ZNF823: variants seen among roughly 807,000 people sequenced by gnomAD.
The protein encoded by ZNF823 is zinc finger protein 823.
ZNF823 carries 5 observed loss-of-function variants against 11.4 expected under a neutral mutation model. The observed-to-expected ratio is 0.44, with a 90% CI of 0.23 to 0.92. The LOEUF is 0.92. Ranked by LOEUF, ZNF823 falls within the 40% of genes least tolerant of loss-of-function variation. The probability of loss-of-function intolerance (pLI) is 0.24; values close to 1 mark genes in which losing one functional copy is unlikely to be tolerated. For missense variants in ZNF823, 582 were observed against 738.5 expected (o/e 0.79, Z 2.46); for synonymous variants, 234 against 250.5 (o/e 0.93, Z 0.62).
rs286280 is a variant in ZNF823 at position 11,722,799 on chromosome 19, C to G, written c.735G>C (p.Glu245Asp). The G allele has an allele frequency of 4.3e-6, 7 of 1,613,924 alleles. No individual in the cohort carries two copies. Among genetic ancestry groups the G allele is most frequent in the Non-Finnish European group, 5.9e-6 (7 of 1,180,008 alleles). ...AACACTGCTTACATTCATACGCTTT[C>G]TCTCCCGTGTGGATTCTTTCATGTC... The part of the protein sequence containing the change: ...YLRHERIHTG[E>D]KAYECKQCSK... The change falls in exon 4 of 4, where the codon GAG becomes GAC. Residue 245 changes from glutamate (E) to aspartate (D), a missense_variant. This residue lies in a region of ZNF823 where 429 missense variants were observed against 553.7 expected (regional missense o/e 0.77). Transcript: ENST00000341191. This position sits in a 1 kb window ranked among gnomAD's most constrained non-coding sequence, Gnocchi z 5.2.
In ZNF823 at chr19:11,738,846, C is replaced by G. The variant is rs1440348668; in HGVS notation, c.-27G>C. 1 of 1,607,318 alleles carries G rather than the reference C, an allele frequency of 6.2e-7. No homozygotes were observed. The highest frequency in any genetic ancestry group is 1.7e-5 in the Admixed American group (1 of 59,066). On this transcript the variant is annotated 5_prime_UTR_variant, in exon 1 of 4. Coordinates refer to ENST00000341191, the MANE Select transcript of ZNF823 (RefSeq NM_001080493.4). ...TCCCAGCTTCCAGGTGTCCGGGTGT[C>G]CTCCTTAAAAGCCAGTGTGGGTCCC...
At chr19:11,726,311 T>A (rs980914784) in intron 1 of ZNF823, among the ~76,000 whole-genome samples, 3 of 142,720 alleles carry the variant, frequency 2.1e-5, no homozygotes, top group Admixed American at 7.1e-5. Context: ...TATATATAAA[T>A]TTTTTTTTAA....
Position 11,722,187 on chromosome 19 carries a change from C to A in ZNF823, c.1347G>T (p.Gly449=). The A allele has an allele frequency of 6.2e-7, 1 of 1,613,962 alleles. No homozygotes were observed. Among genetic ancestry groups the A allele is most frequent in the Non-Finnish European group, 8.5e-7 (1 of 1,179,982 alleles). Residue 449 remains glycine, a synonymous_variant, in exon 4 of 4, where the codon GGG becomes GGT. Transcript: ENST00000341191. This position sits in a 1 kb window ranked among gnomAD's most constrained non-coding sequence, Gnocchi z 5.2. ...TGVKPYKCQC[G]KAFSDLSSFQ... Reference sequence around the variant, plus strand: ...AGGAAGAGAGATCACTAAAGGCTTTCCCACACTGACATTTATAGGGTTTCA... The same window carrying A: ...AGGAAGAGAGATCACTAAAGGCTTTACCACACTGACATTTATAGGGTTTCA...
intron 1 of ZNF823, among the ~76,000 whole-genome samples, chr19:11,728,538 CAGTA>C (rs1161145811): frequency 6.6e-6 from 1 of 152,120 alleles, no homozygotes; most frequent in African/African-American, 2.4e-5. Flanking sequence ...GAATTTGGAA[CAGTA>C]AGTAATACCA....
chr19:11,721,819 C>T lies in ZNF823; in HGVS notation c.1715G>A (p.Gly572Glu). 1 of 1,610,516 alleles carries T rather than the reference C, an allele frequency of 6.2e-7. No individual in the cohort carries two copies. The change falls in exon 4 of 4, where the codon GGA (glycine) becomes GAA (glutamate). Residue 572 changes from glycine (G) to glutamate (E), a missense_variant. By Grantham distance (98) the Gly-to-Glu change is moderately conservative. Coordinates refer to ENST00000341191, the MANE Select transcript of ZNF823 (RefSeq NM_001080493.4). ...CTCTCCAGTGTGAGTTTTTTCATGT[C>T]CTCGAAGGAAACGGGAACGAGTGAA... is the stretch of plus-strand genomic sequence containing the variant. ...KAFTRSRFLR[G>E]HEKTHTGEKL...
At chr19:11,733,540 A>C (rs1974941497) in intron 1 of ZNF823, among the ~76,000 whole-genome samples, 2 of 151,924 alleles carry the variant, frequency 1.3e-5, no homozygotes, top group Admixed American at 6.6e-5. Context: ...CTTTACAAAA[A>C]ATACAAAAAT....
In ZNF823 at chr19:11,721,781, A is replaced by C; in HGVS notation, c.1753T>G (p.Cys585Gly). 1 of 1,614,166 alleles carries C rather than the reference A, an allele frequency of 6.2e-7. No homozygotes were observed. Among genetic ancestry groups the C allele is most frequent in the Non-Finnish European group, 8.5e-7 (1 of 1,180,014 alleles). ...CTCAATGCTTTCCCACATTCCTTAC[A>C]TTCATACAGCTTCTCTCCAGTGTGA... Reference protein sequence around the residue: ...KTHTGEKLYECKECGKALSSL... With the variant: ...KTHTGEKLYEGKECGKALSSL... The change falls in exon 4 of 4, where the codon TGT becomes GGT. Residue 585 changes from cysteine (C) to glycine (G), a missense_variant. Transcript: ENST00000341191.
At chr19:11,728,185 CTT>C (rs1479276989) in intron 1 of ZNF823, among the ~76,000 whole-genome samples, 1 of 152,044 alleles carries the variant, frequency 6.6e-6, no homozygotes, top group Non-Finnish European at 1.5e-5. Context: ...CCAAGACTCT[CTT>C]TTCCATTTAA....
intron 3 of ZNF823, 104 bp downstream of exon 3, chr19:11,724,090 A>C: frequency 1.1e-6 from 1 of 943,322 alleles, no homozygotes; most frequent in Non-Finnish European, 1.6e-6. Flanking sequence ...GGAATGAATA[A>C]ATTTAAGCTG....
intron 2 of ZNF823, 56 bp from the exon 3 acceptor site, chr19:11,724,310 T>A (rs1599701004): frequency 6.6e-7 from 1 of 1,512,828 alleles, no homozygotes; most frequent in African/African-American, 1.4e-5. Flanking sequence ...ATAGAAAAAC[T>A]CTAAGATTTT....
chr19:11,727,951 G>GGCTCA (rs67577787), intron 1 of ZNF823, among the ~76,000 whole-genome samples: 58,421 of 149,906 alleles, frequency 0.39, 11,369 homozygotes, highest in South Asian at 0.43. Flanking sequence ...TCAGTGTCTC[G>GGCTCA]CTGCAAGCTC....
chr19:11,734,240 CA>C (rs112255145), intron 1 of ZNF823, among the ~76,000 whole-genome samples: 1,399 of 118,842 alleles, frequency 0.012, 8 homozygotes, highest in Middle Eastern at 0.025. Context: ...GACTCTGTCT[CA>C]AAAAAAAAAA....
chr19:11,727,541 C>T (rs1183902523), intron 1 of ZNF823, among the ~76,000 whole-genome samples: 2 of 151,790 alleles, frequency 1.3e-5, no homozygotes, highest in Non-Finnish European at 2.9e-5. Flanking sequence ...ACAATAACAA[C>T]AAAAAAAGAA....
Position 11,722,836 on chromosome 19 carries a change from C to G in ZNF823, c.698G>C (p.Ser233Thr), listed in dbSNP as rs1599699126. ...GATTCTTTCATGTCTTAGATAGGAA[C>G]TGTAAAAAGGAAAGGCTTTAGAACA... is the stretch of plus-strand genomic sequence containing the variant. ...KQCSKAFPFY[S>T]SYLRHERIHT... The change falls in exon 4 of 4, where the codon AGT becomes ACT. Residue 233 changes from serine (S) to threonine (T), a missense_variant. Around this residue, in one of 3 missense-constraint regions of ZNF823, gnomAD observed 429 missense variants for 553.7 expected, o/e 0.77. Transcript: ENST00000341191. The surrounding 1 kb of genome is among the most constrained non-coding windows in gnomAD (Gnocchi z 5.2). 1 of 1,614,010 alleles carries G rather than the reference C, an allele frequency of 6.2e-7. No individual in the cohort carries two copies. Among genetic ancestry groups the G allele is most frequent in the East Asian group, 2.2e-5 (1 of 44,856 alleles).
intron 1 of ZNF823, among the ~76,000 whole-genome samples, chr19:11,726,875 T>G (rs932640030): frequency 1.3e-5 from 2 of 152,214 alleles, no homozygotes; most frequent in Non-Finnish European, 2.9e-5. Context: ...CGTGTTTGGT[T>G]GCAACTTGTT....
chr19:11,732,903 G>T (rs544236566), intron 1 of ZNF823, among the ~76,000 whole-genome samples: 207 of 152,288 alleles, frequency 1.4e-3, no homozygotes, highest in Non-Finnish European at 2.5e-3. Flanking sequence ...TCATGTGTTT[G>T]CTCTTTCAGG....
chr19:11,732,715 G>C (rs1036493103), intron 1 of ZNF823, among the ~76,000 whole-genome samples: 1 of 152,212 alleles, frequency 6.6e-6, no homozygotes, highest in Non-Finnish European at 1.5e-5. Context: ...TTACAGGCGG[G>C]AGCCACCGCG....
In ZNF823 at chr19:11,722,251, G is replaced by T. The variant is rs1458206964; in HGVS notation, c.1283C>A (p.Ala428Asp). 3 of 1,613,678 alleles carry T rather than the reference G, an allele frequency of 1.9e-6. No homozygotes were observed. Among genetic ancestry groups the T allele is most frequent in the Non-Finnish European group, 2.5e-6 (3 of 1,179,928 alleles). Reference sequence around the variant, plus strand: ...TGCTTCATGTCTTCGAAGGGAACCGGCAAGACTGAAGGCTTTACCACATTG... The same window carrying T: ...TGCTTCATGTCTTCGAAGGGAACCGTCAAGACTGAAGGCTTTACCACATTG... ...CKQCGKAFSL[A>D]GSLRRHEATH... The change falls in exon 4 of 4, where the codon GCC becomes GAC. Residue 428 changes from alanine (A) to aspartate (D), a missense_variant. This residue lies in a region of ZNF823 where 429 missense variants were observed against 553.7 expected (regional missense o/e 0.77). Transcript: ENST00000341191. The surrounding 1 kb of genome is among the most constrained non-coding windows in gnomAD (Gnocchi z 5.2).
At chr19:11,728,099 G>A (rs9917060) in intron 1 of ZNF823, among the ~76,000 whole-genome samples, 1 of 151,896 alleles carries the variant, frequency 6.6e-6, no homozygotes, top group Non-Finnish European at 1.5e-5. Context: ...GGATGGTCTC[G>A]ATCTCCTGAC....
Sources: allele counts gnomAD v4.1 joint callset (sites outside exome capture counted in the v4.1 genomes callset), GRCh38; gene constraint gnomAD v4.1.1; regional missense constraint gnomAD v4.1.1; non-coding constraint Gnocchi (gnomAD v3.1); transcripts MANE v1.5; gene names NCBI Gene and HGNC (gene_info 2026-07-23, HGNC 2026-07-21).